The following TMEM132C variants were observed in gnomAD, a reference collection of about 807,000 sequenced individuals.
The protein encoded by TMEM132C is protein phosphatase 1, regulatory subunit 152.
In TMEM132C, 29 loss-of-function variants were observed where a neutral mutation model predicts 61.4. That is an observed-to-expected ratio of 0.47 (90% confidence interval 0.35 to 0.64). The LOEUF (loss-of-function observed/expected upper bound fraction) is 0.64, where lower values mean the gene tolerates loss of function less well. TMEM132C is among the 30% of genes least tolerant of loss of function. The probability of loss-of-function intolerance (pLI) is 0.00; values close to 1 mark genes in which losing one functional copy is unlikely to be tolerated. For missense variants in TMEM132C, 1,408 were observed against 1,476.9 expected (o/e 0.95, Z 0.76); for synonymous variants, 656 against 633.1 (o/e 1.04, Z -0.54).
chr12:128,664,165 C>T (rs980407032), intron 4 of TMEM132C, among the ~76,000 whole-genome samples: 1 of 148,276 alleles, frequency 6.7e-6, no homozygotes, highest in Non-Finnish European at 1.5e-5. Context: ...CGCACAGGCA[C>T]ACGCACCCAC....
At chr12:128,284,198 C>T (rs1337987403) in intron 1 of TMEM132C, among the ~76,000 whole-genome samples, 3 of 152,184 alleles carry the variant, frequency 2.0e-5, no homozygotes, top group East Asian at 3.9e-4. Context: ...CAAGTCTACT[C>T]TTACATATCT....
At chr12:128,554,944 G>A (rs757729187) in intron 3 of TMEM132C, among the ~76,000 whole-genome samples, 8 of 151,874 alleles carry the variant, frequency 5.3e-5, no homozygotes, top group East Asian at 1.9e-4. Flanking sequence ...TTCCCCATCC[G>A]TTCTTGGAGG....
chr12:128,592,647 G>T (rs1443839119), intron 3 of TMEM132C, among the ~76,000 whole-genome samples: 1 of 152,238 alleles, frequency 6.6e-6, no homozygotes, highest in Non-Finnish European at 1.5e-5. Flanking sequence ...CTGGAAACTT[G>T]CTGAGGCTGA....
chr12:128,479,307 A>G (rs1871249940), intron 2 of TMEM132C, among the ~76,000 whole-genome samples: 1 of 152,144 alleles, frequency 6.6e-6, no homozygotes, highest in African/African-American at 2.4e-5. Flanking sequence ...ACAAACCCTC[A>G]TGACACAAGT....
chr12:128,584,639 T>C (rs1875470140), intron 3 of TMEM132C, among the ~76,000 whole-genome samples: 1 of 152,200 alleles, frequency 6.6e-6, no homozygotes, highest in Non-Finnish European at 1.5e-5. Flanking sequence ...GCTCTTCACA[T>C]GTGCATGATT....
intron 4 of TMEM132C, among the ~76,000 whole-genome samples, chr12:128,624,154 C>T (rs1479327893): frequency 2.0e-5 from 3 of 150,110 alleles, no homozygotes; most frequent in Admixed American, 1.3e-4. Flanking sequence ...TCAGCTTCAG[C>T]CTGACTGTGT....
chr12:128,528,217 A>G (rs1479377868), intron 2 of TMEM132C, among the ~76,000 whole-genome samples: 1 of 152,236 alleles, frequency 6.6e-6, no homozygotes, highest in Non-Finnish European at 1.5e-5. Flanking sequence ...CTCCAGACTC[A>G]GATCACTAGG....
intron 3 of TMEM132C, among the ~76,000 whole-genome samples, chr12:128,600,815 A>G (rs1166573716): frequency 1.3e-5 from 2 of 152,156 alleles, no homozygotes; most frequent in Non-Finnish European, 2.9e-5. Context: ...TGAATGCTTG[A>G]TGGATGGACA....
intron 1 of TMEM132C, among the ~76,000 whole-genome samples, chr12:128,291,208 A>G (rs1871236576): frequency 2.0e-5 from 3 of 152,252 alleles, no homozygotes. Context: ...TCCAAGAAGA[A>G]ATAAATATCT....
intron 2 of TMEM132C, among the ~76,000 whole-genome samples, chr12:128,450,261 T>G (rs1247765007): frequency 6.6e-6 from 1 of 152,242 alleles, no homozygotes; most frequent in Non-Finnish European, 1.5e-5. Flanking sequence ...GGCTACTGGC[T>G]ATCATATTGG....
chr12:128,594,963 C>T (rs565159453), intron 3 of TMEM132C, among the ~76,000 whole-genome samples: 3 of 152,318 alleles, frequency 2.0e-5, no homozygotes, highest in East Asian at 1.9e-4. Flanking sequence ...CTGTCCGTCC[C>T]GGCTGCTGAA....
At position 128,283,456 on chromosome 12, in the gene TMEM132C, G is replaced by T. The variant is rs535922691; in HGVS notation, c.85+15969G>T. Among the ~76,000 whole-genome samples the T allele has an allele frequency of 5.9e-5, 9 of 152,194 alleles. No individual in the cohort carries two copies. The East Asian group carries it at 1.7e-3, about 29-fold the overall frequency. ...CAGTGGACAGAGGCAGGAAATCATT[G>T]TGCACACATTGGCCTTTCTCTCTTC... On this transcript the variant is annotated intron_variant, in intron 1 of 8. Transcript: ENST00000435159.
intron 2 of TMEM132C, among the ~76,000 whole-genome samples, chr12:128,417,086 C>T (rs577376915): frequency 2.0e-5 from 3 of 152,184 alleles, no homozygotes; most frequent in East Asian, 1.9e-4. Context: ...GAAAAAGGGT[C>T]TGAATACTGG....
chr12:128,383,550 T>G (rs1565919366), intron 1 of TMEM132C, among the ~76,000 whole-genome samples: 1 of 152,158 alleles, frequency 6.6e-6, no homozygotes, highest in Non-Finnish European at 1.5e-5. Flanking sequence ...GTCAGATTAA[T>G]GACACAAAGC....
intron 4 of TMEM132C, among the ~76,000 whole-genome samples, chr12:128,624,176 C>G (rs1471237936): frequency 6.6e-6 from 1 of 151,982 alleles, no homozygotes; most frequent in East Asian, 1.9e-4. Context: ...GGGGTGAGTC[C>G]CAATGCCTCC....
intron 2 of TMEM132C, among the ~76,000 whole-genome samples, chr12:128,486,494 C>A (rs959239111): frequency 8.5e-5 from 13 of 152,188 alleles, no homozygotes; most frequent in African/African-American, 3.1e-4. Flanking sequence ...AGCAGACCCT[C>A]CTTCTCAGTT....
chr12:128,335,697 G>T (rs1414008123), intron 1 of TMEM132C, among the ~76,000 whole-genome samples: 1 of 152,200 alleles, frequency 6.6e-6, no homozygotes, highest in Admixed American at 6.5e-5. Flanking sequence ...GATGAAGCCA[G>T]TATTAGTTTG....
chr12:128,669,548 G>A lies in TMEM132C; in HGVS notation c.1437G>A (p.Glu479=), dbSNP rs953383821. Residue 479 remains glutamate, a synonymous_variant, in exon 5 of 9, where the codon GAG becomes GAA. Transcript: ENST00000435159. The stretch of plus-strand genomic sequence containing the variant: ...CGGTGGAGTGCAAGTCCACAGACGA[G>A]GACGTTATCAAAGTAAGTCATTCCA... ...SESVECKSTD[E]DVIKVSERCD... The A allele has an allele frequency of 1.9e-6, 3 of 1,551,272 alleles. No homozygotes were observed. The highest frequency in any genetic ancestry group is 1.4e-5 in the African/African-American group (1 of 73,044).
rs1033979914 is a variant in TMEM132C, at chr12:128,544,006, C to T, written c.1024C>T (p.Pro342Ser). The change falls in exon 3 of 9, where the codon CCC becomes TCC. Residue 342 changes from proline (P) to serine (S), a missense_variant. Physicochemically the swap from Pro to Ser is moderately conservative, Grantham distance 74 (BLOSUM62 -1). Transcript: ENST00000435159. ...CATCCTGAGTGCTCAGACCCGTGAG[C>T]CCCGGCAGTGGGGCGTCAAGCAGGA... Reference protein sequence around the residue: ...VNILSAQTREPRQWGVKQEVG... With the variant: ...VNILSAQTRESRQWGVKQEVG... 1.9e-6 allele frequency: 3 copies of T among 1,549,198 alleles called. No homozygotes were observed. Among genetic ancestry groups the T allele is most frequent in the Non-Finnish European group, 2.6e-6 (3 of 1,145,972 alleles).
Sources: allele counts gnomAD v4.1 joint callset (sites outside exome capture counted in the v4.1 genomes callset), GRCh38; gene constraint gnomAD v4.1.1; transcripts MANE v1.5; gene names NCBI Gene and HGNC (gene_info 2026-07-23, HGNC 2026-07-21).